The following LRP1B variants were observed in gnomAD, a reference collection of about 807,000 sequenced individuals.
LRP1B encodes LDL receptor related protein 1B.
Under a neutral mutation model 556.6 loss-of-function variants are expected in LRP1B, and 217 were observed. The observed-to-expected ratio is 0.39, with a 90% CI of 0.35 to 0.44. The LOEUF is 0.44. LRP1B is among the 20% of genes least tolerant of loss of function. The pLI is 1.00. For missense variants in LRP1B, 5,053 were observed against 5,620.8 expected (o/e 0.90, Z 3.23); for synonymous variants, 2,047 against 1,865.8 (o/e 1.10, Z -2.50).
chr2:141,675,792 C>A lies in LRP1B; in HGVS notation c.205+134487G>T, dbSNP rs114758179. Among the ~76,000 whole-genome samples the A allele has an allele frequency of 5.3e-3, 803 of 151,658 alleles. 14 individuals are homozygous for A. The highest frequency in any genetic ancestry group is 0.019 in the African/African-American group (768 of 41,432). On this transcript the variant is annotated intron_variant, in intron 2 of 90. Coordinates refer to ENST00000389484, the MANE Select transcript of LRP1B (RefSeq NM_018557.3). ...TCCTTGATTAAATTTTAAACAATTT[C>A]TTCACTGATTCACTTTAATTATATT...
chr2:140,723,214 A>C (rs993097044), intron 35 of LRP1B, among the ~76,000 whole-genome samples: 4 of 152,194 alleles, frequency 2.6e-5, no homozygotes, highest in African/African-American at 7.2e-5. Flanking sequence ...GTCAGTTCTC[A>C]TGAATTGTCA....
At position 140,485,512 on chromosome 2, in the gene LRP1B, T is replaced by A. The variant is rs2105363264; in HGVS notation, c.9256A>T (p.Thr3086Ser). 6.2e-7 allele frequency: 1 copy of A among 1,612,092 alleles called. No individual in the cohort carries two copies. Among genetic ancestry groups the A allele is most frequent in the Non-Finnish European group, 8.5e-7 (1 of 1,179,190 alleles). ...ACAGCAAGTGCATTGGGGACCGCTG[T>A]GTTATGAACTACCTACAAAACAAGA... ...NGSDIKVVHN[T>S]AVPNALAVDW... Residue 3086 changes from threonine (T) to serine (S), a missense_variant, in exon 59 of 91, where the codon ACA (threonine) becomes TCA (serine). This residue lies in a region of LRP1B where 3,619 missense variants were observed against 3,931.9 expected (regional missense o/e 0.92). Transcript: ENST00000389484.
At chr2:140,642,672 T>C (rs936390308) in intron 41 of LRP1B, among the ~76,000 whole-genome samples, 61 of 151,958 alleles carry the variant, frequency 4.0e-4, no homozygotes, top group Non-Finnish European at 7.4e-5. Flanking sequence ...AAACCCCATC[T>C]CTACTAAAAA....
Position 140,592,641 on chromosome 2 carries a change from G to GTAGATAT in LRP1B, c.7194+5983_7194+5989dup, listed in dbSNP as rs547012355. Among the ~76,000 whole-genome samples, 345 of 152,094 alleles carry GTAGATAT rather than the reference G, an allele frequency of 2.3e-3. 3 individuals carry two copies. The highest frequency in any genetic ancestry group is 8.0e-3 in the African/African-American group (330 of 41,482). The stretch of plus-strand genomic sequence containing the variant: ...TATATTATCAATAAAAGAAGACAGC[G>GTAGATAT]TAGATATATAGATAAGAAAGATAGA... On this transcript the variant is annotated intron_variant, in intron 43 of 90. Coordinates refer to ENST00000389484, the MANE Select transcript of LRP1B (RefSeq NM_018557.3).
At chr2:141,115,625 TTGTGTGTGTGTGTG>T (rs70991139) in intron 7 of LRP1B, among the ~76,000 whole-genome samples, 49 of 91,560 alleles carry the variant, frequency 5.4e-4, no homozygotes, top group African/African-American at 1.6e-3. Flanking sequence ...CCCGGCTAAT[TTGTGTGTGTGTGTG>T]TGTGTGTGTG....
At chr2:141,905,458 C>T (rs941670575) in intron 1 of LRP1B, among the ~76,000 whole-genome samples, 1 of 150,800 alleles carries the variant, frequency 6.6e-6, no homozygotes, top group African/African-American at 2.4e-5. Flanking sequence ...AGGTTTTGTA[C>T]TTTTTTTTTC....
chr2:141,867,046 C>T (rs1014505966), intron 1 of LRP1B, among the ~76,000 whole-genome samples: 14 of 151,852 alleles, frequency 9.2e-5, no homozygotes, highest in African/African-American at 2.4e-4. Flanking sequence ...GCAGCCCTTT[C>T]GTATATACTA....
At chr2:141,224,515 G>T in intron 6 of LRP1B, among the ~76,000 whole-genome samples, 1 of 152,098 alleles carries the variant, frequency 6.6e-6, no homozygotes, top group African/African-American at 2.4e-5. Context: ...TCATTCTATT[G>T]TAAAGATAGA....
chr2:141,696,458 T>C (rs1691736702), intron 2 of LRP1B, among the ~76,000 whole-genome samples: 1 of 151,934 alleles, frequency 6.6e-6, no homozygotes, highest in Non-Finnish European at 1.5e-5. Context: ...AACTTATATT[T>C]ACATTGCCTT....
intron 1 of LRP1B, among the ~76,000 whole-genome samples, chr2:141,942,204 G>A (rs1044769798): frequency 2.6e-5 from 4 of 151,908 alleles, no homozygotes; most frequent in African/African-American, 7.3e-5. Flanking sequence ...CTCACTCTCC[G>A]CCCTCGCCCC....
In LRP1B at chr2:140,307,250, G is replaced by A. The variant is rs920459804; in HGVS notation, c.12805+7685C>T. 3.3e-5 allele frequency among the ~76,000 whole-genome samples: 5 copies of A among 152,002 alleles called. No homozygotes were observed. The South Asian group carries it at 6.2e-4, about 19-fold the overall frequency. On this transcript the variant is annotated intron_variant, in intron 83 of 90. Coordinates refer to ENST00000389484, the MANE Select transcript of LRP1B (RefSeq NM_018557.3). The stretch of plus-strand genomic sequence containing the variant: ...AGATTTCCTCCCTACATCACATTCT[G>A]TAAACAGCAATAGCAAAACCTATTG...
At chr2:140,997,608 A>T (rs1433431838) in intron 15 of LRP1B, among the ~76,000 whole-genome samples, 1 of 151,920 alleles carries the variant, frequency 6.6e-6, no homozygotes, top group Non-Finnish European at 1.5e-5. Context: ...ATTATAACTT[A>T]GTCATAATAG....
At chr2:140,823,232 A>T (rs530456538) in intron 31 of LRP1B, among the ~76,000 whole-genome samples, 3 of 152,296 alleles carry the variant, frequency 2.0e-5, no homozygotes, top group Admixed American at 2.0e-4. Context: ...TGGAAAAAAA[A>T]ATAAAATGTA....
intron 3 of LRP1B, among the ~76,000 whole-genome samples, chr2:141,300,960 T>A (rs1371375808): frequency 1.3e-5 from 2 of 152,124 alleles, no homozygotes; most frequent in Non-Finnish European, 1.5e-5. Context: ...GGAAGAATAA[T>A]AAATATAAAA....
At chr2:140,711,105 G>A (rs975595193) in intron 37 of LRP1B, among the ~76,000 whole-genome samples, 3 of 151,962 alleles carry the variant, frequency 2.0e-5, no homozygotes, top group Non-Finnish European at 4.4e-5. Flanking sequence ...GTCGTTTTAA[G>A]GAAGAAGGAA....
chr2:140,592,822 C>T (rs202088325), intron 43 of LRP1B, among the ~76,000 whole-genome samples: 1 of 151,970 alleles, frequency 6.6e-6, no homozygotes, highest in Non-Finnish European at 1.5e-5. Context: ...GGCTTGTAGT[C>T]CCAACTACTT....
chr2:140,913,212 G>GT, intron 21 of LRP1B, among the ~76,000 whole-genome samples: 1 of 151,838 alleles, frequency 6.6e-6, no homozygotes, highest in East Asian at 1.9e-4. Flanking sequence ...TTTGACAAAT[G>GT]TTTTTTGAGT....
chr2:142,078,167 T>C (rs1055182197), intron 1 of LRP1B, among the ~76,000 whole-genome samples: 1 of 152,146 alleles, frequency 6.6e-6, no homozygotes, highest in South Asian at 2.1e-4. Context: ...TTTAGTCTGG[T>C]GCTTGGGGCT....
chr2:140,362,513 G>A (rs936611049), intron 72 of LRP1B, among the ~76,000 whole-genome samples: 12 of 151,578 alleles, frequency 7.9e-5, no homozygotes, highest in Admixed American at 6.6e-4. Context: ...TTTACAATAG[G>A]TTTATCTGGC....
Sources: allele counts gnomAD v4.1 joint callset (sites outside exome capture counted in the v4.1 genomes callset), GRCh38; gene constraint gnomAD v4.1.1; regional missense constraint gnomAD v4.1.1; transcripts MANE v1.5; gene names NCBI Gene and HGNC (gene_info 2026-07-23, HGNC 2026-07-21).